The following SEMA4D variants were observed in gnomAD, a reference collection of about 807,000 sequenced individuals.
SEMA4D encodes semaphorin-4D.
A neutral mutation model predicts 74.8 loss-of-function variants in SEMA4D; 22 were observed. That is an observed-to-expected ratio of 0.29 (90% confidence interval 0.21 to 0.42). The LOEUF (loss-of-function observed/expected upper bound fraction) is 0.42. Ranked by LOEUF, SEMA4D falls within the 10% of genes least tolerant of loss-of-function variation. The pLI, the probability that SEMA4D is intolerant of heterozygous loss-of-function variation, is 1.00. For missense variants in SEMA4D, 937 were observed against 1,118.4 expected (o/e 0.84, Z 2.31); for synonymous variants, 445 against 463.7 (o/e 0.96, Z 0.52).
At chr9:89,427,151 T>C (rs1848283181) in intron 2 of SEMA4D, among the ~76,000 whole-genome samples, 1 of 152,164 alleles carries the variant, frequency 6.6e-6, no homozygotes, top group East Asian at 1.9e-4. Flanking sequence ...CACGTTCAAC[T>C]CACTAAATCC....
rs920733296 is a variant in SEMA4D, at chr9:89,449,117, T to C, written c.-244+6771A>G. On this transcript the variant is annotated intron_variant, in intron 2 of 15. Coordinates refer to ENST00000422704, the MANE Select transcript of SEMA4D (RefSeq NM_001371194.2). ...GCACGGGGCCTTTTGGGGAGGGGTA[T>C]GCTCACTGAAAGCACAGGCCCGGGA... Among the ~76,000 whole-genome samples, 5 of 152,278 alleles carry C rather than the reference T, an allele frequency of 3.3e-5. No homozygotes were observed. The East Asian group carries it at 5.8e-4, about 18-fold the overall frequency.
intron 2 of SEMA4D, among the ~76,000 whole-genome samples, chr9:89,451,022 CT>C (rs1200379709): frequency 6.6e-6 from 1 of 152,168 alleles, no homozygotes; most frequent in East Asian, 1.9e-4. Context: ...AATTCATTGT[CT>C]TCAAGCCCCT....
intron 2 of SEMA4D, among the ~76,000 whole-genome samples, chr9:89,416,536 G>T (rs556285041): frequency 1.3e-5 from 2 of 152,186 alleles, no homozygotes; most frequent in African/African-American, 4.8e-5. Flanking sequence ...CACAGCCACG[G>T]ACACACAGGG....
chr9:89,363,276 A>C (rs915450629), intron 18 of SEMA4D, among the ~76,000 whole-genome samples: 3 of 149,442 alleles, frequency 2.0e-5, no homozygotes, highest in African/African-American at 4.9e-5. Flanking sequence ...TTCCCCCCCC[A>C]GTGTTGCAGA....
intron 2 of SEMA4D, among the ~76,000 whole-genome samples, chr9:89,437,828 C>T (rs963585747): frequency 7.2e-5 from 11 of 152,188 alleles, no homozygotes; most frequent in African/African-American, 2.4e-4. Flanking sequence ...TGCCCTGGTC[C>T]GCAGCTCGGG....
At chr9:89,444,221 A>C (rs1587934681) in intron 2 of SEMA4D, among the ~76,000 whole-genome samples, 1 of 151,358 alleles carries the variant, frequency 6.6e-6, no homozygotes, top group African/African-American at 2.4e-5. Context: ...CTCCCTCCCC[A>C]CCTCCATGGC....
rs1167364277 is a variant in SEMA4D, at chr9:89,484,105, G to A, written c.-310+13814C>T. On this transcript the variant is annotated intron_variant, in intron 1 of 15. Transcript: ENST00000422704. The surrounding 1 kb of genome is among the most constrained non-coding windows in gnomAD (Gnocchi z 4.1). ...AGCTGGCAGGCACAGAAGGGCTTCC[G>A]GGCTCCCCCAGGAACTGGAGCCTTA... Among the ~76,000 whole-genome samples the A allele has an allele frequency of 2.6e-5, 4 of 152,364 alleles. No homozygotes were observed. The highest frequency in any genetic ancestry group is 1.9e-4 in the East Asian group (1 of 5,186).
At chr9:89,409,677 G>GT (rs1442186503) in intron 2 of SEMA4D, among the ~76,000 whole-genome samples, 8 of 152,192 alleles carry the variant, frequency 5.3e-5, no homozygotes, top group Admixed American at 5.2e-4. Context: ...CATTAAGGAA[G>GT]TAAGTGCCCA....
chr9:89,471,611 C>CGCCAGCTCAGGTGCAT (rs1392444112), intron 1 of SEMA4D, among the ~76,000 whole-genome samples: 1 of 114,350 alleles, frequency 8.7e-6, no homozygotes, highest in East Asian at 2.2e-4. Flanking sequence ...CTCAGGTGCA[C>CGCCAGCTCAGGTGCAT]GCCAGCTCAG....
intron 1 of SEMA4D, among the ~76,000 whole-genome samples, chr9:89,471,438 A>C (rs139193274): frequency 5.2e-5 from 8 of 152,386 alleles, no homozygotes; most frequent in African/African-American, 1.9e-4. Flanking sequence ...TTGTATAAAA[A>C]TAAAACAATA....
At chr9:89,435,458 G>A (rs1407836572) in intron 2 of SEMA4D, among the ~76,000 whole-genome samples, 1 of 152,106 alleles carries the variant, frequency 6.6e-6, no homozygotes, top group Non-Finnish European at 1.5e-5. Flanking sequence ...TTTCCTTTAG[G>A]CTCCTAAGCA....
intron 1 of SEMA4D, among the ~76,000 whole-genome samples, chr9:89,490,109 TAATGATGTTAA>T (rs1286731329): frequency 6.6e-6 from 1 of 151,658 alleles, no homozygotes. Context: ...CCCTAACAAC[TAATGATGTTAA>T]GCACCTTCTC....
intron 1 of SEMA4D, among the ~76,000 whole-genome samples, chr9:89,491,799 ACTCACTAAGGTGATGAGGAAAATG>A (rs1354166303): frequency 6.6e-6 from 1 of 152,146 alleles, no homozygotes; most frequent in Non-Finnish European, 1.5e-5. Flanking sequence ...CAATGCCAGC[ACTCACTAAGGTGATGAGGAAAATG>A]CTCACAGTCC....
At chr9:89,398,545 G>A (rs547430173) in intron 5 of SEMA4D, among the ~76,000 whole-genome samples, 1 of 152,344 alleles carries the variant, frequency 6.6e-6, no homozygotes, top group East Asian at 1.9e-4. Context: ...CCCAAAAAAG[G>A]CTGTCATACT....
rs190678340 is a variant in SEMA4D at position 89,392,388 on chromosome 9, C to A, written c.622+35G>T. ...ACAGGTGTGCACTCATGAGGAGACA[C>A]GCACCTCCCACTAAGGTGCACTGCT... is the stretch of plus-strand genomic sequence containing the variant. On this transcript the variant is annotated intron_variant, in intron 8 of 15. Coordinates refer to ENST00000422704, the MANE Select transcript of SEMA4D (RefSeq NM_001371194.2). 3.3e-5 allele frequency: 47 copies of A among 1,436,190 alleles called. No homozygotes were observed. The East Asian group carries it at 1.0e-3, about 31-fold the overall frequency. 89.0% of individuals were successfully genotyped at this position (1,436,190 alleles called of 1,614,324 possible).
intron 1 of SEMA4D, among the ~76,000 whole-genome samples, chr9:89,466,015 C>A (rs1858593552): frequency 6.6e-6 from 1 of 152,172 alleles, no homozygotes; most frequent in African/African-American, 2.4e-5. Flanking sequence ...AAGGTGGGCT[C>A]ACTGGAGCAC....
At chr9:89,431,969 C>G (rs1278421489) in intron 2 of SEMA4D, among the ~76,000 whole-genome samples, 1 of 152,214 alleles carries the variant, frequency 6.6e-6, no homozygotes, top group Non-Finnish European at 1.5e-5. Context: ...CTATCCTCAT[C>G]TCTCTGTGTC....
chr9:89,469,471 CAAG>C (rs1859636451), intron 1 of SEMA4D, among the ~76,000 whole-genome samples: 2 of 152,242 alleles, frequency 1.3e-5, no homozygotes, highest in South Asian at 2.1e-4. Flanking sequence ...AAAGACATTA[CAAG>C]AAGACTATAG....
Position 89,381,436 on chromosome 9 carries a change from G to T in SEMA4D, c.1447-90C>A. On this transcript the variant is annotated intron_variant, in intron 13 of 15. Coordinates refer to ENST00000422704, the MANE Select transcript of SEMA4D (RefSeq NM_001371194.2). The surrounding 1 kb of genome is among the most constrained non-coding windows in gnomAD (Gnocchi z 4.6). Reference sequence around the variant, plus strand: ...CTTCTGCACCAGTGTGTGGGAAGCAGCCAGAGTGTACCTTCAGGGGACATT... The same window carrying T: ...CTTCTGCACCAGTGTGTGGGAAGCATCCAGAGTGTACCTTCAGGGGACATT... 1 of 1,276,762 alleles carries T rather than the reference G, an allele frequency of 7.8e-7. No homozygotes were observed. The highest frequency in any genetic ancestry group is 1.1e-6 in the Non-Finnish European group (1 of 945,188). The allele number at this position is 1,276,762 out of a possible 1,614,324, so 79.1% of individuals were successfully genotyped here. A position where few individuals can be genotyped will look rare whatever the true frequency, so the allele number is the denominator to read the frequency against.
Sources: gnomAD v4.1 joint callset for allele counts (sites outside exome capture counted in the v4.1 genomes callset) on GRCh38, gnomAD v4.1.1 for gene constraint, Gnocchi (gnomAD v3.1) non-coding constraint, MANE v1.5 for transcripts, NCBI Gene and HGNC (gene_info 2026-07-23, HGNC 2026-07-21) for gene names.